Variants in GSG1L observed in about 807,000 individuals in gnomAD.
GSG1L encodes GSG1 like.
GSG1L carries 24 observed loss-of-function variants against 42.1 expected under a neutral mutation model. The ratio of observed to expected loss-of-function variants is 0.57; its 90% CI spans 0.41 to 0.80. The LOEUF is 0.80. Among genes scored for constraint, GSG1L ranks in the 30% least tolerant of loss-of-function variants. The pLI is 0.00. For synonymous variants in GSG1L, 215 were observed against 203.5 expected (o/e 1.06, Z -0.48); for missense variants, 445 against 472.2 (o/e 0.94, Z 0.53).
intron 1 of GSG1L, among the ~76,000 whole-genome samples, chr16:28,035,174 T>G (rs205444): frequency 0.21 from 32,173 of 151,716 alleles, 3,856 homozygotes; most frequent in South Asian, 0.49. Flanking sequence ...ACCCAGCTAA[T>G]GCTGTTTTTG....
intron 6 of GSG1L, among the ~76,000 whole-genome samples, chr16:27,796,727 C>T (rs1260062353): frequency 6.6e-6 from 1 of 152,208 alleles, no homozygotes; most frequent in Non-Finnish European, 1.5e-5. Context: ...CTGGGGTCAT[C>T]CTCAGGGATT....
At chr16:27,840,526 A>T (rs1395815543) in intron 4 of GSG1L, among the ~76,000 whole-genome samples, 1 of 152,164 alleles carries the variant, frequency 6.6e-6, no homozygotes, top group Non-Finnish European at 1.5e-5. Context: ...AGGAGTGGGC[A>T]GGAGGGCTCG....
At chr16:27,901,796 T>C (rs143198692) in intron 2 of GSG1L, among the ~76,000 whole-genome samples, 21 of 152,294 alleles carry the variant, frequency 1.4e-4, no homozygotes, top group Non-Finnish European at 2.5e-4. Flanking sequence ...GCCTTGACAT[T>C]TGAGTTTCTA....
In GSG1L at chr16:27,789,258, A is replaced by T. The variant is rs1163154300; in HGVS notation, c.*2112T>A. The T allele has an allele frequency of 6.6e-6, 1 of 152,180 alleles. No homozygotes were observed. Among genetic ancestry groups the T allele is most frequent in the Non-Finnish European group, 1.5e-5 (1 of 68,036 alleles). The allele number at this position is 152,180 out of a possible 1,614,324, so 9.4% of individuals were successfully genotyped here. The stretch of plus-strand genomic sequence containing the variant: ...TAGATGAAGAAATGGATAAAGAATA[A>T]ATGGATAATGCAGAAATGGATAATG... On this transcript the variant is annotated 3_prime_UTR_variant, in exon 7 of 7. Coordinates refer to ENST00000447459, the MANE Select transcript of GSG1L (RefSeq NM_001109763.2).
chr16:27,979,580 A>T (rs966137629), intron 1 of GSG1L, among the ~76,000 whole-genome samples: 2 of 147,542 alleles, frequency 1.4e-5, no homozygotes, highest in Admixed American at 1.4e-4. Context: ...AAAAAAAAAA[A>T]AGAAAGAAGG....
intron 1 of GSG1L, among the ~76,000 whole-genome samples, chr16:28,005,112 G>A (rs531944382): frequency 3.9e-5 from 6 of 152,180 alleles, no homozygotes; most frequent in South Asian, 2.1e-4. Flanking sequence ...ATCTGTTTCC[G>A]GCCTCTCTCC....
chr16:28,062,543 C>A (rs1304779448), intron 1 of GSG1L, among the ~76,000 whole-genome samples: 1 of 152,148 alleles, frequency 6.6e-6, no homozygotes, highest in African/African-American at 2.4e-5. Context: ...ACTCCCCACT[C>A]CCGTCTGGGA....
At chr16:28,042,172 G>C (rs1471301697) in intron 1 of GSG1L, among the ~76,000 whole-genome samples, 1 of 152,072 alleles carries the variant, frequency 6.6e-6, no homozygotes, top group Non-Finnish European at 1.5e-5. Flanking sequence ...GCAGTGGTTC[G>C]TGCCTGTAAT....
chr16:27,923,734 G>GAAAA (rs11425016), intron 2 of GSG1L, among the ~76,000 whole-genome samples: 1 of 129,072 alleles, frequency 7.7e-6, no homozygotes. Context: ...ACTCTGTCAA[G>GAAAA]AAAAAAAAAA....
At chr16:27,950,731 C>G (rs1021443236) in intron 2 of GSG1L, among the ~76,000 whole-genome samples, 3 of 152,150 alleles carry the variant, frequency 2.0e-5, no homozygotes, top group Non-Finnish European at 4.4e-5. Context: ...ACCCTTCAGT[C>G]ACTTAGCTAT....
chr16:27,904,654 T>C (rs569472347), intron 2 of GSG1L, among the ~76,000 whole-genome samples: 1 of 152,220 alleles, frequency 6.6e-6, no homozygotes, highest in African/African-American at 2.4e-5. Context: ...CTCTCCTGCC[T>C]TATCTCCCTC....
intron 3 of GSG1L, among the ~76,000 whole-genome samples, chr16:27,876,393 G>T (rs536441049): frequency 6.6e-6 from 1 of 152,308 alleles, no homozygotes; most frequent in South Asian, 2.1e-4. Flanking sequence ...GTAACAGGAA[G>T]GAAGCCTTCC....
intron 1 of GSG1L, among the ~76,000 whole-genome samples, chr16:28,004,074 G>A (rs948280149): frequency 2.0e-5 from 3 of 152,190 alleles, no homozygotes; most frequent in African/African-American, 2.4e-5. Flanking sequence ...CACTCAGCCC[G>A]AGGCGCCTGT....
intron 4 of GSG1L, among the ~76,000 whole-genome samples, chr16:27,832,238 T>C (rs2083281653): frequency 6.6e-6 from 1 of 152,230 alleles, no homozygotes; most frequent in Non-Finnish European, 1.5e-5. Context: ...ATGTGCCCTT[T>C]AGCCAGTTTC....
intron 5 of GSG1L, among the ~76,000 whole-genome samples, chr16:27,809,698 C>T (rs951686324): frequency 9.2e-5 from 14 of 152,076 alleles, no homozygotes; most frequent in Admixed American, 9.2e-4. Flanking sequence ...TGCAGCTGTC[C>T]TAAAATCTCT....
intron 6 of GSG1L, among the ~76,000 whole-genome samples, chr16:27,805,932 C>T (rs1230924169): frequency 6.6e-6 from 1 of 151,948 alleles, no homozygotes; most frequent in Non-Finnish European, 1.5e-5. Flanking sequence ...AAGACAAGCC[C>T]CAAGGCCTCT....
chr16:27,957,151 T>G (rs2085015160), intron 2 of GSG1L, among the ~76,000 whole-genome samples: 1 of 152,100 alleles, frequency 6.6e-6, no homozygotes, highest in Admixed American at 6.6e-5. Flanking sequence ...GAGGTCGAGA[T>G]CAGCCTGGCT....
intron 6 of GSG1L, among the ~76,000 whole-genome samples, chr16:27,799,926 A>G (rs982574794): frequency 6.6e-6 from 1 of 152,152 alleles, no homozygotes; most frequent in Non-Finnish European, 1.5e-5. Context: ...GACAACTGCA[A>G]ATTTGGTCTG....
At chr16:28,005,984 T>C (rs898953881) in intron 1 of GSG1L, among the ~76,000 whole-genome samples, 3 of 152,180 alleles carry the variant, frequency 2.0e-5, no homozygotes, top group African/African-American at 7.2e-5. Context: ...TGACCCAATG[T>C]CATCATGAGC....
Sources: allele counts gnomAD v4.1 joint callset (sites outside exome capture counted in the v4.1 genomes callset), GRCh38; gene constraint gnomAD v4.1.1; transcripts MANE v1.5; gene names NCBI Gene and HGNC (gene_info 2026-07-23, HGNC 2026-07-21).